The following TIGAR variants were observed in gnomAD, a reference collection of about 807,000 sequenced individuals.
TIGAR encodes fructose-2,6-bisphosphatase TIGAR.
Under a neutral mutation model 17.9 loss-of-function variants are expected in TIGAR, and 7 were observed. The ratio of observed to expected loss-of-function variants is 0.39; its 90% confidence interval spans 0.22 to 0.73. The LOEUF (loss-of-function observed/expected upper bound fraction) is 0.73. Among genes scored for constraint, TIGAR ranks in the 30% least tolerant of loss-of-function variants. The probability of loss-of-function intolerance (pLI) is 0.42; values close to 1 mark genes in which losing one functional copy is unlikely to be tolerated. For synonymous variants in TIGAR, 94 were observed against 108.6 expected, an observed-to-expected ratio of 0.87 and a Z score of 0.84; for missense variants, 258 against 327.4, an observed-to-expected ratio of 0.79 and a Z score of 1.64.
At position 4,351,380 on chromosome 12, in the gene TIGAR, A is replaced by C; in HGVS notation, c.381+3A>C. 1 of 1,612,164 alleles carries C rather than the reference A, an allele frequency of 6.2e-7. No individual in the cohort carries two copies. On this transcript the variant is annotated splice_donor_region_variant and intron_variant, in intron 5 of 5. Transcript: ENST00000179259. ...CCGGAGGAGAGACGCTGGACCAGGT[A>C]TGTGGCGCTGCCGATGTCAGAATGG...
intron 1 of TIGAR, 90 bp from the exon 2 acceptor site, chr12:4,331,190 A>G (rs953450590): frequency 6.3e-5 from 68 of 1,083,588 alleles, no homozygotes; most frequent in Middle Eastern, 2.3e-4. Context: ...ATATTTTTAG[A>G]GTATCACCAC....
intron 2 of TIGAR, among the ~76,000 whole-genome samples, chr12:4,331,874 G>A (rs1377973181): frequency 6.6e-6 from 1 of 152,164 alleles, no homozygotes; most frequent in Non-Finnish European, 1.5e-5. Context: ...CTTTTGGCTA[G>A]ACATGCTATT....
chr12:4,337,173 A>G lies in TIGAR; in HGVS notation c.192+13A>G, dbSNP rs772175412. ...GAGGACAAAGCAGGTACATTTATTT[A>G]TTTATTTATTTTGAGACAGAGCGTC... is the stretch of plus-strand genomic sequence containing the variant. On this transcript the variant is annotated intron_variant, in intron 3 of 5. Coordinates refer to ENST00000179259, the MANE Select transcript of TIGAR (RefSeq NM_020375.3). 12 of 1,591,726 alleles carry G rather than the reference A, an allele frequency of 7.5e-6. No individual in the cohort carries two copies. In the East Asian group the frequency reaches 2.7e-4, roughly 36 times the overall value.
intron 3 of TIGAR, among the ~76,000 whole-genome samples, chr12:4,348,205 AG>A (rs1864801750): frequency 6.6e-6 from 1 of 152,186 alleles, no homozygotes; most frequent in Non-Finnish European, 1.5e-5. Context: ...CATGATGAGA[AG>A]TTCTAATGTC....
chr12:4,323,125 C>T (rs1290842206), intron 1 of TIGAR, among the ~76,000 whole-genome samples: 3 of 146,172 alleles, frequency 2.1e-5, no homozygotes, highest in Non-Finnish European at 4.5e-5. Flanking sequence ...AAAAAGCTGG[C>T]TGTGGTGGTG....
chr12:4,355,632 AACT>A lies in TIGAR; in HGVS notation c.*2947_*2949del, dbSNP rs1189322219. On this transcript the variant is annotated 3_prime_UTR_variant, in exon 6 of 6. Transcript: ENST00000179259. Reference sequence around the variant, plus strand: ...CACACACATGCCAGGCTATTTTAAGAACTACTACAACTATGATAAAGCTGTGAA... The same window carrying A: ...CACACACATGCCAGGCTATTTTAAGAACTACAACTATGATAAAGCTGTGAA... Among the ~76,000 whole-genome samples, 5 of 152,214 alleles carry A rather than the reference AACT, an allele frequency of 3.3e-5. No homozygotes were observed. Among genetic ancestry groups the A allele is most frequent in the Admixed American group, 6.5e-5 (1 of 15,286 alleles).
At chr12:4,345,265 G>A (rs1864767313) in intron 3 of TIGAR, among the ~76,000 whole-genome samples, 1 of 152,114 alleles carries the variant, frequency 6.6e-6, no homozygotes, top group Non-Finnish European at 1.5e-5. Context: ...CTACTTTAAA[G>A]TTCATATGGA....
chr12:4,332,337 G>T (rs1258579415), intron 2 of TIGAR, among the ~76,000 whole-genome samples: 1 of 141,154 alleles, frequency 7.1e-6, no homozygotes, highest in African/African-American at 2.6e-5. Context: ...CCGCCTCCCA[G>T]GTTCAAGCGA....
At chr12:4,335,791 A>G (rs1473111743) in intron 2 of TIGAR, 1 of 152,254 alleles carries the variant, frequency 6.6e-6, no homozygotes, top group East Asian at 1.9e-4. Context: ...ATCTCCTTGT[A>G]TCTGTGCCGT....
chr12:4,334,925 AT>A (rs1368790672), intron 2 of TIGAR, among the ~76,000 whole-genome samples: 2 of 152,004 alleles, frequency 1.3e-5, no homozygotes, highest in Non-Finnish European at 2.9e-5. Flanking sequence ...GTTTCTCATA[AT>A]ATATCTAGGA....
At position 4,338,975 on chromosome 12, in the gene TIGAR, C is replaced by CAAAAAAAAAAAAAAAAAAA. The variant is rs199840929; in HGVS notation, c.192+1816_192+1817insAAAAAAAAAAAAAAAAAAA. Among the ~76,000 whole-genome samples, 8 of 38,180 alleles carry CAAAAAAAAAAAAAAAAAAA rather than the reference C, an allele frequency of 2.1e-4. 3 individuals carry two copies. The highest frequency in any genetic ancestry group is 1.9e-3 in the East Asian group (2 of 1,042). The allele number at this position is 38,180 out of a possible 152,430, so 25.0% of individuals were successfully genotyped here. ...TGGGCAACAAAGCAAAACTTTGTCT[C>CAAAAAAAAAAAAAAAAAAA]ACAAAAAAAAAAAAAAAAAAAAAGA... On this transcript the variant is annotated intron_variant, in intron 3 of 5. Transcript: ENST00000179259.
intron 3 of TIGAR, among the ~76,000 whole-genome samples, chr12:4,347,414 G>A (rs955972467): frequency 1.2e-4 from 19 of 152,156 alleles, no homozygotes; most frequent in Admixed American, 2.0e-4. Flanking sequence ...GGTAGTAGGG[G>A]GAGGTGTTGG....
chr12:4,326,857 G>C (rs1864551529), intron 1 of TIGAR, among the ~76,000 whole-genome samples: 1 of 152,076 alleles, frequency 6.6e-6, no homozygotes, highest in African/African-American at 2.4e-5. Flanking sequence ...TAAATTCTGA[G>C]TTTTTTTGGT....
chr12:4,332,953 A>C (rs1430642411), intron 2 of TIGAR, among the ~76,000 whole-genome samples: 1 of 152,158 alleles, frequency 6.6e-6, no homozygotes, highest in East Asian at 1.9e-4. Flanking sequence ...TTGCCCTTTA[A>C]TACTTGGAAT....
intron 3 of TIGAR, among the ~76,000 whole-genome samples, chr12:4,347,623 A>T (rs1157337768): frequency 6.6e-6 from 1 of 152,192 alleles, no homozygotes; most frequent in Admixed American, 6.5e-5. Flanking sequence ...TGTGATTGTC[A>T]TGCATTGCAT....
At chr12:4,341,034 C>T (rs1401281835) in intron 3 of TIGAR, among the ~76,000 whole-genome samples, 1 of 152,092 alleles carries the variant, frequency 6.6e-6, no homozygotes, top group Non-Finnish European at 1.5e-5. Flanking sequence ...CAAAAATGGA[C>T]AAATGGGATC....
chr12:4,331,392 G>T (rs1864602229), intron 2 of TIGAR, 75 bp downstream of exon 2: 1 of 1,426,830 alleles, frequency 7.0e-7, no homozygotes, highest in Non-Finnish European at 9.9e-7. Flanking sequence ...AGATTTGGTG[G>T]GGTGGGGTAG....
rs1864954684 is a variant in TIGAR at position 4,359,766 on chromosome 12, G to C, written c.*7075G>C. 6.6e-6 allele frequency among the ~76,000 whole-genome samples: 1 copy of C among 152,146 alleles called. No homozygotes were observed. On this transcript the variant is annotated 3_prime_UTR_variant, in exon 6 of 6. Transcript: ENST00000179259. ...TAGGTTATATGTTGGTGTATGTTTA[G>C]TTTTATAAGACACTTGCCAGATCTT...
chr12:4,352,821 C>A lies in TIGAR; in HGVS notation c.*130C>A. ...AGCCAATTTTTAGCTCCAGTGGAAC[C>A]ATAGCCACATAAAACTTTAATGGAC... On this transcript the variant is annotated 3_prime_UTR_variant, in exon 6 of 6. Transcript: ENST00000179259. 1.3e-6 allele frequency: 1 copy of A among 776,316 alleles called. No homozygotes were observed. Among genetic ancestry groups the A allele is most frequent in the Non-Finnish European group, 2.0e-6 (1 of 498,564 alleles). 48.1% of individuals were successfully genotyped at this position (776,316 alleles called of 1,614,324 possible).
Sources: gnomAD v4.1 joint callset for allele counts (sites outside exome capture counted in the v4.1 genomes callset) on GRCh38, gnomAD v4.1.1 for gene constraint, MANE v1.5 for transcripts, NCBI Gene and HGNC (gene_info 2026-07-23, HGNC 2026-07-21) for gene names.